THOC5: variants seen among roughly 807,000 people sequenced by gnomAD.
The protein encoded by THOC5 is THO complex subunit 5, also known as Fms-interacting protein.
A neutral mutation model predicts 92.9 loss-of-function variants in THOC5; 43 were observed. That is an observed-to-expected ratio of 0.46 (90% CI 0.36 to 0.60). THOC5 has a LOEUF of 0.60. Among genes scored for constraint, THOC5 ranks in the 20% least tolerant of loss-of-function variants. The pLI is 0.00. For missense variants in THOC5, 659 were observed against 849.4 expected, an observed-to-expected ratio of 0.78 and a Z score of 2.79; for synonymous variants, 296 against 320.1, an observed-to-expected ratio of 0.92 and a Z score of 0.80.
chr22:29,549,305 G>C (rs2064093753), intron 1 of THOC5, 147 bp from the exon 2 acceptor site: 2 of 659,882 alleles, frequency 3.0e-6, no homozygotes, highest in Non-Finnish European at 5.2e-6. Context: ...AATACAACAG[G>C]GAAGCATCTC....
intron 12 of THOC5, 105 bp downstream of exon 12, chr22:29,525,733 G>A (rs1170035095): frequency 1.7e-5 from 14 of 816,312 alleles, no homozygotes; most frequent in Non-Finnish European, 2.4e-5. Context: ...CAACACAGCC[G>A]TAGCCCTCTC....
At chr22:29,548,991 G>A in intron 2 of THOC5, 61 bp downstream of exon 2, 2 of 1,548,566 alleles carry the variant, frequency 1.3e-6, no homozygotes, top group Non-Finnish European at 1.8e-6. Flanking sequence ...CAAACACACA[G>A]CCAGGTGCTT....
intron 12 of THOC5, 138 bp downstream of exon 12, chr22:29,525,700 G>T: frequency 1.7e-6 from 1 of 580,498 alleles, no homozygotes; most frequent in Non-Finnish European, 3.1e-6. Flanking sequence ...AGGACTTCTG[G>T]TCCATCTGGA....
At chr22:29,516,912 A>AT in intron 17 of THOC5, 117 bp downstream of exon 17, 1 of 901,888 alleles carries the variant, frequency 1.1e-6, no homozygotes, top group Non-Finnish European at 1.8e-6. Flanking sequence ...CACGATCATT[A>AT]TTATCTGTTA....
intron 2 of THOC5, among the ~76,000 whole-genome samples, chr22:29,546,843 C>CTTT (rs112906478): frequency 7.2e-6 from 1 of 138,220 alleles, no homozygotes; most frequent in Non-Finnish European, 1.6e-5. Context: ...CAAGTCACTT[C>CTTT]TTTTTTTTTT....
chr22:29,508,145 T>C lies in THOC5; in HGVS notation c.*312A>G, dbSNP rs2063155616. 1 of 361,112 alleles carries C rather than the reference T, an allele frequency of 2.8e-6. No homozygotes were observed. Among genetic ancestry groups the C allele is most frequent in the Non-Finnish European group, 5.1e-6 (1 of 197,062 alleles). The allele number at this position is 361,112 out of a possible 1,614,324, so 22.4% of individuals were successfully genotyped here. A position where few individuals can be genotyped will look rare whatever the true frequency, so the allele number is the denominator to read the frequency against. ...AGGACCTCACCCCGCAAAGCACAAATAGGGTGTGCGTAGACAAGAGGTGAG... is the reference window on the plus strand; with the variant it reads ...AGGACCTCACCCCGCAAAGCACAAACAGGGTGTGCGTAGACAAGAGGTGAG... On this transcript the variant is annotated 3_prime_UTR_variant, in exon 20 of 20. Transcript: ENST00000490103.
intron 8 of THOC5, among the ~76,000 whole-genome samples, chr22:29,530,827 C>A (rs2063639388): frequency 2.6e-5 from 4 of 152,102 alleles, no homozygotes; most frequent in South Asian, 2.1e-4. Flanking sequence ...TACATATGGT[C>A]CCAAGAGCCT....
intron 2 of THOC5, among the ~76,000 whole-genome samples, chr22:29,548,190 C>T (rs1239483354): frequency 1.3e-5 from 2 of 152,190 alleles, no homozygotes; most frequent in Non-Finnish European, 2.9e-5. Context: ...GGTGGGGACA[C>T]GGCCAAACCA....
In THOC5 at chr22:29,517,045, G is replaced by A. The variant is rs775575114; in HGVS notation, c.1665C>T (p.Leu555=). The A allele has an allele frequency of 1.4e-5, 23 of 1,614,018 alleles. No homozygotes were observed. The highest frequency in any genetic ancestry group is 8.3e-5 in the Admixed American group (5 of 60,008). Residue 555 remains leucine (L), a synonymous_variant, in exon 17 of 20, where the codon CTC becomes CTT. Coordinates refer to ENST00000490103, the MANE Select transcript of THOC5 (RefSeq NM_003678.5). ...AGCAATTACCTGTGCCCCTTTCGAT[G>A]AGCGCCATGTAGTAGAGATTGGTGT... The part of the protein sequence containing the change: ...AGDTNLYYMA[L]IERGTAKLQA...
rs2063831598 is a variant in THOC5, at chr22:29,539,348, T to G, written c.581A>C (p.Glu194Ala). The change falls in exon 6 of 20, where the codon GAG becomes GCG. Residue 194 changes from glutamate to alanine, a missense_variant. Transcript: ENST00000490103. Reference sequence around the variant, plus strand: ...ATGCTACCTTTTCCGCTGCTCCAGCTCCCAGTCCAGACGTGCCAGTGTTTG... The same window carrying G: ...ATGCTACCTTTTCCGCTGCTCCAGCGCCCAGTCCAGACGTGCCAGTGTTTG... ...HQQTLARLDWELEQRKRLAEK... is the reference protein window; with the variant it reads ...HQQTLARLDWALEQRKRLAEK... 1.2e-6 allele frequency: 2 copies of G among 1,613,854 alleles called. No homozygotes were observed. The highest frequency in any genetic ancestry group is 1.7e-6 in the Non-Finnish European group (2 of 1,179,864).
intron 6 of THOC5, among the ~76,000 whole-genome samples, chr22:29,538,038 A>G (rs1374819930): frequency 7.9e-5 from 12 of 152,164 alleles, no homozygotes; most frequent in Admixed American, 2.6e-4. Context: ...GCTAGAGTGC[A>G]GTGGCGCAAT....
Position 29,519,001 on chromosome 22 carries a change from C to G in THOC5, c.1489+5G>C, listed in dbSNP as rs1246308067. ...TCTTAAACCACTGCCCCATCATCAG[C>G]TTACCTAGGGATGCAAACTGTTTGT... is the stretch of plus-strand genomic sequence containing the variant. On this transcript the variant is annotated splice_donor_5th_base_variant and intron_variant, in intron 15 of 19. Coordinates refer to ENST00000490103, the MANE Select transcript of THOC5 (RefSeq NM_003678.5). The G allele has an allele frequency of 1.3e-6, 2 of 1,583,160 alleles. No individual in the cohort carries two copies. Among genetic ancestry groups the G allele is most frequent in the South Asian group, 1.2e-5 (1 of 86,762 alleles).
chr22:29,520,592 C>T (rs899275836), intron 13 of THOC5, among the ~76,000 whole-genome samples: 7 of 152,100 alleles, frequency 4.6e-5, no homozygotes, highest in Non-Finnish European at 8.8e-5. Flanking sequence ...ACCTCCTGGG[C>T]TCATGCAATT....
rs775359319 is a variant in THOC5 at position 29,531,953 on chromosome 22, G to T, written c.725C>A (p.Pro242Gln). 2 of 1,613,998 alleles carry T rather than the reference G, an allele frequency of 1.2e-6. No homozygotes were observed. Among genetic ancestry groups the T allele is most frequent in the South Asian group, 2.2e-5 (2 of 91,062 alleles). ...RLNSIMQASLPVQEYLFMPFD... is the reference protein window; with the variant it reads ...RLNSIMQASLQVQEYLFMPFD... ...TGGCATAAACAGGTACTCCTGCACC[G>T]GAAGGGAAGCCTGCACACAAGAGAC... Residue 242 changes from proline (P) to glutamine (Q), a missense_variant, in exon 8 of 20, where the codon CCG becomes CAG. Coordinates refer to ENST00000490103, the MANE Select transcript of THOC5 (RefSeq NM_003678.5).
At chr22:29,510,684 C>T (rs1415282087) in intron 19 of THOC5, among the ~76,000 whole-genome samples, 2 of 151,750 alleles carry the variant, frequency 1.3e-5, no homozygotes, top group Non-Finnish European at 2.9e-5. Context: ...AGGTCAGCAG[C>T]AAAACAGAGA....
At chr22:29,537,407 C>A (rs1268554384) in intron 6 of THOC5, among the ~76,000 whole-genome samples, 1 of 152,122 alleles carries the variant, frequency 6.6e-6, no homozygotes, top group African/African-American at 2.4e-5. Flanking sequence ...TTGGGAGGCC[C>A]AGGCAGGCGG....
At chr22:29,511,003 G>A (rs1415090351) in intron 19 of THOC5, 103 bp downstream of exon 19, 1 of 1,257,040 alleles carries the variant, frequency 8.0e-7, no homozygotes, top group African/African-American at 1.5e-5. Flanking sequence ...GGCTGCAGGG[G>A]AAGTTTCAGG....
At chr22:29,538,218 G>C (rs2063799858) in intron 6 of THOC5, among the ~76,000 whole-genome samples, 1 of 152,102 alleles carries the variant, frequency 6.6e-6, no homozygotes, top group East Asian at 2.0e-4. Flanking sequence ...TCCTGACCTT[G>C]TGATCCGCCT....
intron 12 of THOC5, 29 bp downstream of exon 12, chr22:29,525,809 C>A: frequency 6.3e-7 from 1 of 1,578,002 alleles, no homozygotes; most frequent in Non-Finnish European, 8.7e-7. Flanking sequence ...CCATCCCGCA[C>A]GTCATTGCCC....
Sources: gnomAD v4.1 joint callset for allele counts (sites outside exome capture counted in the v4.1 genomes callset) on GRCh38, gnomAD v4.1.1 for gene constraint, MANE v1.5 for transcripts, NCBI Gene and HGNC (gene_info 2026-07-23, HGNC 2026-07-21) for gene names.